Variants in SEC24C observed in about 807,000 individuals in gnomAD.
The protein encoded by SEC24C is protein transport protein Sec24C.
In SEC24C, 22 loss-of-function variants were observed where a neutral mutation model predicts 117.0. The ratio of observed to expected loss-of-function variants is 0.19; its 90% CI spans 0.13 to 0.27. The LOEUF is 0.27. Ranked by LOEUF, SEC24C falls within the 10% of genes least tolerant of loss-of-function variation. The pLI is 1.00. For synonymous variants in SEC24C, 506 were observed against 529.4 expected (o/e 0.96, Z 0.61); for missense variants, 1,155 against 1,375.1 (o/e 0.84, Z 2.53).
At chr10:73,747,129 C>T in intron 2 of SEC24C, 125 bp downstream of exon 2, 1 of 899,032 alleles carries the variant, frequency 1.1e-6, no homozygotes, top group Non-Finnish European at 1.6e-6. Context: ...GAACATAAAT[C>T]TGGCCCTGTG....
intron 3 of SEC24C, among the ~76,000 whole-genome samples, chr10:73,758,977 G>A (rs1359080424): frequency 1.3e-5 from 2 of 152,230 alleles, no homozygotes; most frequent in South Asian, 4.1e-4. Flanking sequence ...GGGCAGATTC[G>A]TTGAGCTCAG....
In SEC24C at chr10:73,769,283, A is replaced by G. The variant is rs907345006; in HGVS notation, c.2425-64A>G. On this transcript the variant is annotated intron_variant, in intron 17 of 22. Transcript: ENST00000345254. The surrounding 1 kb of genome is among the most constrained non-coding windows in gnomAD (Gnocchi z 4.5). ...GTGGCTCATTTCTCTCTTCCAGTTT[A>G]ATAGTGTAGCAAAGGGCCTTTGTGA... is the stretch of plus-strand genomic sequence containing the variant. 1.1e-5 allele frequency: 18 copies of G among 1,600,472 alleles called. No individual in the cohort carries two copies. Among genetic ancestry groups the G allele is most frequent in the African/African-American group, 1.3e-5 (1 of 74,484 alleles).
chr10:73,752,705 T>C (rs1307031421), intron 3 of SEC24C, among the ~76,000 whole-genome samples: 1 of 152,070 alleles, frequency 6.6e-6, no homozygotes, highest in African/African-American at 2.4e-5. Context: ...ACTCCTTTAA[T>C]ACCAGCACTT....
chr10:73,764,340 C>T (rs374216779), intron 8 of SEC24C, among the ~76,000 whole-genome samples: 4 of 152,076 alleles, frequency 2.6e-5, no homozygotes, highest in South Asian at 2.1e-4. Flanking sequence ...CTGGCTAACA[C>T]GGTGAAACCC....
intron 8 of SEC24C, 126 bp downstream of exon 8, chr10:73,764,109 G>A: frequency 1.6e-6 from 2 of 1,256,096 alleles, no homozygotes; most frequent in Non-Finnish European, 2.2e-6. Context: ...AGAGGAGACT[G>A]TCTTTAGTGG....
intron 5 of SEC24C, 144 bp downstream of exon 5, chr10:73,760,530 T>C (rs2082782404): frequency 1.7e-6 from 2 of 1,200,706 alleles, no homozygotes; most frequent in Non-Finnish European, 1.1e-6. Flanking sequence ...TCCTAGGATA[T>C]GGGGTTTGTA....
intron 3 of SEC24C, among the ~76,000 whole-genome samples, chr10:73,754,279 G>A (rs2082680974): frequency 6.6e-6 from 1 of 152,144 alleles, no homozygotes; most frequent in African/African-American, 2.4e-5. Flanking sequence ...GCTGGGTGTG[G>A]TGGCGGGCAC....
chr10:73,769,654 G>T lies in SEC24C; in HGVS notation c.2603G>T (p.Arg868Leu), dbSNP rs147907875. 6.2e-7 allele frequency: 1 copy of T among 1,614,092 alleles called. No homozygotes were observed. Among genetic ancestry groups the T allele is most frequent in the African/African-American group, 1.3e-5 (1 of 75,006 alleles). ...CTGAATAGCCCTGTGAAGGCTGTTC[G>T]TGACACGCTCATCACCCAGTGTGCC... is the stretch of plus-strand genomic sequence containing the variant. Reference protein sequence around the residue: ...GVLNSPVKAVRDTLITQCAQI... With the variant: ...GVLNSPVKAVLDTLITQCAQI... Residue 868 changes from arginine to leucine, a missense_variant, in exon 19 of 23, where the codon CGT (arginine) becomes CTT (leucine). Transcript: ENST00000345254. The surrounding 1 kb of genome is among the most constrained non-coding windows in gnomAD (Gnocchi z 4.5).
Position 73,769,904 on chromosome 10 carries a change from G to A in SEC24C, c.2751G>A (p.Leu917=). Residue 917 remains leucine (L), a synonymous_variant, in exon 20 of 23, where the codon CTG becomes CTA. Transcript: ENST00000345254. The surrounding 1 kb of genome is among the most constrained non-coding windows in gnomAD (Gnocchi z 4.5). ...ACTGTGTGTTGAAGAGTGATGTCCT[G>A]CAGCCTGGAGCTGAAGTCACTACTG... The part of the protein sequence containing the change: ...YLNCVLKSDV[L]QPGAEVTTDD... The A allele has an allele frequency of 6.2e-7, 1 of 1,614,158 alleles. No individual in the cohort carries two copies. Among genetic ancestry groups the A allele is most frequent in the South Asian group, 1.1e-5 (1 of 91,082 alleles).
rs1469192549 is a variant in SEC24C, at chr10:73,769,013, G to A, written c.2285G>A (p.Arg762His). 5.6e-6 allele frequency: 9 copies of A among 1,614,208 alleles called. No individual in the cohort carries two copies. Among genetic ancestry groups the A allele is most frequent in the African/African-American group, 1.3e-5 (1 of 75,038 alleles). ...CCTGTCCATGTGGCCTCAGGTATCC[G>A]TGCTGTAGATTTCTTTGGAGCTTTC... ...VMRVRTSTGI[R>H]AVDFFGAFYM... is the part of the protein sequence containing the mutation. The change falls in exon 17 of 23, where the codon CGT becomes CAT. Residue 762 changes from arginine to histidine, a missense_variant. By Grantham distance (29) the Arg-to-His change is conservative (BLOSUM62 0). Around this residue, in one of 2 missense-constraint regions of SEC24C, gnomAD observed 759 missense variants for 992.3 expected, o/e 0.76. Coordinates refer to ENST00000345254, the MANE Select transcript of SEC24C (RefSeq NM_198597.3). The surrounding 1 kb of genome is among the most constrained non-coding windows in gnomAD (Gnocchi z 4.5).
intron 3 of SEC24C, among the ~76,000 whole-genome samples, chr10:73,756,446 A>G (rs536429716): frequency 1.2e-4 from 18 of 152,264 alleles, no homozygotes; most frequent in Admixed American, 2.0e-4. Context: ...GTGAAAAAAA[A>G]AGTTCTTGGG....
chr10:73,753,315 G>A (rs999142929), intron 3 of SEC24C, among the ~76,000 whole-genome samples: 17 of 152,312 alleles, frequency 1.1e-4, no homozygotes, highest in South Asian at 2.1e-4. Flanking sequence ...GCCTTCCAAA[G>A]TGCTGGGATT....
intron 8 of SEC24C, among the ~76,000 whole-genome samples, chr10:73,764,510 C>T (rs1349748701): frequency 2.9e-5 from 4 of 138,474 alleles, no homozygotes; most frequent in African/African-American, 1.1e-4. Flanking sequence ...GGCAACAGAG[C>T]GAGACTCTGT....
rs1254011617 is a variant in SEC24C, at chr10:73,768,807, C to T, written c.2182-3C>T. 1 of 1,612,890 alleles carries T rather than the reference C, an allele frequency of 6.2e-7. No homozygotes were observed. Among genetic ancestry groups the T allele is most frequent in the Non-Finnish European group, 8.5e-7 (1 of 1,179,986 alleles). Reference sequence around the variant, plus strand: ...ACATGACTCTGGACCTGGGGGCCTGCAGGTGGAGAACGACCAGGAGCGGTT... The same window carrying T: ...ACATGACTCTGGACCTGGGGGCCTGTAGGTGGAGAACGACCAGGAGCGGTT... On this transcript the variant is annotated splice_region_variant and splice_polypyrimidine_tract_variant and intron_variant, in intron 15 of 22. Coordinates refer to ENST00000345254, the MANE Select transcript of SEC24C (RefSeq NM_198597.3).
chr10:73,766,240 G>T (rs2082881401), intron 11 of SEC24C, 30 bp downstream of exon 11: 1 of 1,602,556 alleles, frequency 6.2e-7, no homozygotes, highest in South Asian at 1.1e-5. Flanking sequence ...GGTGTTTCCT[G>T]AGGTTAATGA....
chr10:73,768,412 CAT>C (rs1156300607), intron 15 of SEC24C, among the ~76,000 whole-genome samples: 4 of 152,238 alleles, frequency 2.6e-5, no homozygotes, highest in Non-Finnish European at 4.4e-5. Context: ...GAGAAGACTG[CAT>C]AGTCTGAAGA....
At chr10:73,770,157 G>A (rs1209091039) in intron 20 of SEC24C, 123 bp from the exon 21 acceptor site, 2 of 1,245,974 alleles carry the variant, frequency 1.6e-6, no homozygotes, top group East Asian at 4.7e-5. Flanking sequence ...CACTGAGAGA[G>A]TTACTGAGAC....
intron 20 of SEC24C, 44 bp from the exon 21 acceptor site, chr10:73,770,236 T>C (rs376904171): frequency 1.3e-6 from 2 of 1,546,804 alleles, no homozygotes; most frequent in Non-Finnish European, 1.7e-6. Context: ...GGCAGACTTG[T>C]CTTATGGTCC....
chr10:73,749,399 G>A (rs763739687), intron 2 of SEC24C, among the ~76,000 whole-genome samples: 2 of 152,178 alleles, frequency 1.3e-5, no homozygotes, highest in Non-Finnish European at 2.9e-5. Context: ...TGCGTCTCAT[G>A]TCTTCTGATA....
Sources: allele counts gnomAD v4.1 joint callset (sites outside exome capture counted in the v4.1 genomes callset), GRCh38; gene constraint gnomAD v4.1.1; regional missense constraint gnomAD v4.1.1; non-coding constraint Gnocchi (gnomAD v3.1); transcripts MANE v1.5; gene names NCBI Gene and HGNC (gene_info 2026-07-23, HGNC 2026-07-21).